Variants in C12orf42 observed in about 807,000 individuals in gnomAD.
C12orf42 encodes the protein uncharacterized protein C12orf42.
Under a neutral mutation model 21.6 loss-of-function variants are expected in C12orf42, and 25 were observed. The ratio of observed to expected loss-of-function variants is 1.16; its 90% CI spans 0.84 to 1.62. The LOEUF is 1.62. Among genes scored for constraint, C12orf42 ranks in the 40% most tolerant of loss-of-function variants. The pLI is 0.00. For missense variants in C12orf42, 483 were observed against 459.3 expected (o/e 1.05, Z -0.47); for synonymous variants, 174 against 175.0 (o/e 0.99, Z 0.05).
intron 3 of C12orf42, among the ~76,000 whole-genome samples, chr12:103,369,906 A>G (rs11832535): frequency 1.2e-4 from 18 of 151,994 alleles, no homozygotes; most frequent in African/African-American, 4.3e-4. Flanking sequence ...AATAGCTTCT[A>G]CACAGTAAAA....
intron 4 of C12orf42, among the ~76,000 whole-genome samples, chr12:103,334,531 C>G (rs184379380): frequency 1.3e-3 from 199 of 152,176 alleles, no homozygotes; most frequent in African/African-American, 4.6e-3. Context: ...TAAAAGAAGG[C>G]AGGGAAATCC....
chr12:103,176,719 G>C, the C12orf42 span, among the ~76,000 whole-genome samples: 1 of 152,174 alleles, frequency 6.6e-6, no homozygotes, highest in Non-Finnish European at 1.5e-5. Flanking sequence ...CTGGCTCTAG[G>C]ATCTGTGCTC....
At chr12:103,407,713 C>G (rs1445539710) in intron 2 of C12orf42, among the ~76,000 whole-genome samples, 2 of 152,138 alleles carry the variant, frequency 1.3e-5, no homozygotes, top group Admixed American at 1.3e-4. Flanking sequence ...TTGCACAGGG[C>G]AACCGCACCC....
At chr12:103,145,864 CAG>C in the C12orf42 span, among the ~76,000 whole-genome samples, 1 of 151,548 alleles carries the variant, frequency 6.6e-6, no homozygotes, top group Non-Finnish European at 1.5e-5. Flanking sequence ...AGAAAAAAAA[CAG>C]AGTCCAAACA....
At chr12:103,459,117 A>AGCTAAAGTTGGCC (rs1565863461) in intron 2 of C12orf42, among the ~76,000 whole-genome samples, 1 of 152,178 alleles carries the variant, frequency 6.6e-6, no homozygotes, top group East Asian at 1.9e-4. Flanking sequence ...GGAGTCCTCA[A>AGCTAAAGTTGGCC]GCTAAAGTTG....
At chr12:103,462,095 G>GTTTTTTTTTTTTTT (rs1565867930) in intron 2 of C12orf42, among the ~76,000 whole-genome samples, 7 of 31,494 alleles carry the variant, frequency 2.2e-4, no homozygotes, top group South Asian at 8.8e-4. Context: ...TTTTTTGCTT[G>GTTTTTTTTTTTTTT]GTTTTTTTTT....
chr12:103,133,331 C>G, the C12orf42 span, among the ~76,000 whole-genome samples: 1 of 152,216 alleles, frequency 6.6e-6, no homozygotes, highest in African/African-American at 2.4e-5. Context: ...GCTTAAGAAC[C>G]CACCCACCTA....
At chr12:103,252,782 T>C (rs186996363) in intron 10 of C12orf42, among the ~76,000 whole-genome samples, 6 of 152,342 alleles carry the variant, frequency 3.9e-5, no homozygotes, top group Non-Finnish European at 1.5e-5. Context: ...TCGGTTCTTT[T>C]GCTGTGCAGA....
the C12orf42 span, among the ~76,000 whole-genome samples, chr12:103,181,895 C>G: frequency 7.0e-4 from 106 of 152,254 alleles, no homozygotes; most frequent in African/African-American, 2.4e-3. Context: ...TGGGAAATGC[C>G]GTAAGCTTAT....
chr12:103,262,411 T>C (rs1323465741), intron 10 of C12orf42: 1 of 152,228 alleles, frequency 6.6e-6, no homozygotes, highest in African/African-American at 2.4e-5. Context: ...GTACATTGCA[T>C]ACGGTTTAAT....
chr12:103,292,872 G>A (rs1239182629), intron 4 of C12orf42, among the ~76,000 whole-genome samples: 1 of 151,938 alleles, frequency 6.6e-6, no homozygotes, highest in Non-Finnish European at 1.5e-5. Context: ...TCTTTAAAGA[G>A]TTTTCCATTT....
At chr12:103,530,462 A>C in the C12orf42 span, among the ~76,000 whole-genome samples, 1 of 152,232 alleles carries the variant, frequency 6.6e-6, no homozygotes, top group African/African-American at 2.4e-5. Flanking sequence ...TAGCACAAAC[A>C]GCCATCATTT....
the C12orf42 span, among the ~76,000 whole-genome samples, chr12:103,225,041 C>G: frequency 6.6e-6 from 1 of 152,120 alleles, no homozygotes; most frequent in Admixed American, 6.5e-5. Context: ...GTCTATGAAG[C>G]CTTGCGGCAG....
the C12orf42 span, among the ~76,000 whole-genome samples, chr12:103,191,162 A>G: frequency 2.0e-5 from 3 of 152,182 alleles, no homozygotes; most frequent in Non-Finnish European, 4.4e-5. Flanking sequence ...CTATACCAAG[A>G]AAACTGTTTT....
the C12orf42 span, among the ~76,000 whole-genome samples, chr12:103,076,330 G>A: frequency 6.7e-6 from 1 of 149,570 alleles, no homozygotes; most frequent in Non-Finnish European, 1.5e-5. Flanking sequence ...GTGTCAGAAC[G>A]TTCTAGGACA....
intron 2 of C12orf42, among the ~76,000 whole-genome samples, chr12:103,436,948 A>G (rs1398378242): frequency 7.4e-5 from 11 of 149,156 alleles, no homozygotes; most frequent in African/African-American, 2.5e-4. Flanking sequence ...TCAACAGAAT[A>G]TACATTTTTT....
At chr12:103,250,611 A>G (rs2034252221) in intron 10 of C12orf42, among the ~76,000 whole-genome samples, 1 of 152,142 alleles carries the variant, frequency 6.6e-6, no homozygotes, top group Non-Finnish European at 1.5e-5. Context: ...GAGGGAGAGG[A>G]TAAAAGCAAA....
the C12orf42 span, among the ~76,000 whole-genome samples, chr12:103,545,693 C>T: frequency 2.4e-4 from 37 of 152,290 alleles, no homozygotes; most frequent in South Asian, 3.7e-3. Context: ...GATCCTCCAC[C>T]GGTCCCTTAA....
the C12orf42 span, among the ~76,000 whole-genome samples, chr12:103,522,826 G>C: frequency 6.6e-6 from 1 of 152,156 alleles, no homozygotes; most frequent in Non-Finnish European, 1.5e-5. Context: ...ACTCTACTTA[G>C]ATGCAAGTCC....
Sources: gnomAD v4.1 joint callset for allele counts (sites outside exome capture counted in the v4.1 genomes callset) on GRCh38, gnomAD v4.1.1 for gene constraint, MANE v1.5 for transcripts, NCBI Gene and HGNC (gene_info 2026-07-23, HGNC 2026-07-21) for gene names.